The following DSCAM variants were observed in gnomAD, a reference collection of about 807,000 sequenced individuals.
DSCAM encodes cell adhesion molecule DSCAM.
A neutral mutation model predicts 217.7 loss-of-function variants in DSCAM; 47 were observed. The ratio of observed to expected loss-of-function variants is 0.22; its 90% CI spans 0.17 to 0.28. The LOEUF is 0.28. Among genes scored for constraint, DSCAM ranks in the 10% least tolerant of loss-of-function variants. The pLI, the probability that DSCAM is intolerant of heterozygous loss-of-function variation, is 1.00. For missense variants in DSCAM, 2,080 were observed against 2,618.3 expected (o/e 0.79, Z 4.49); for synonymous variants, 1,056 against 1,015.3 (o/e 1.04, Z -0.76).
intron 3 of DSCAM, among the ~76,000 whole-genome samples, chr21:40,555,193 C>T (rs958746798): frequency 3.3e-5 from 5 of 152,178 alleles, no homozygotes; most frequent in Non-Finnish European, 7.3e-5. Flanking sequence ...GTCTCACATC[C>T]ATTACATGAG....
At position 40,087,278 on chromosome 21, in the gene DSCAM, C is replaced by T. The variant is rs199782561; in HGVS notation, c.3860G>A (p.Arg1287Gln). The T allele has an allele frequency of 1.9e-4, 300 of 1,613,764 alleles. No homozygotes were observed. Among genetic ancestry groups the T allele is most frequent in the Middle Eastern group, 1.2e-3 (7 of 6,060 alleles). ...TVEPLAKAPA[R>Q]ILTFSGTVTT... The stretch of plus-strand genomic sequence containing the variant: ...CACTGTCCCACTGAAGGTCAGGATT[C>T]GTGCAGGAGCTGAGGAACCAAACAA... The change falls in exon 22 of 33, where the codon CGA (arginine) becomes CAA (glutamine). Residue 1287 changes from arginine (R) to glutamine (Q), a missense_variant. This residue lies in a region of DSCAM where 1,144 missense variants were observed against 1,421.1 expected (regional missense o/e 0.81). Transcript: ENST00000400454.
At chr21:40,039,557 GATAT>G (rs573901070) in intron 32 of DSCAM, among the ~76,000 whole-genome samples, 2 of 152,024 alleles carry the variant, frequency 1.3e-5, no homozygotes, top group African/African-American at 2.4e-5. Flanking sequence ...ACACACAGGA[GATAT>G]ATATATTTAT....
At chr21:40,131,547 TC>T (rs1157185436) in intron 19 of DSCAM, among the ~76,000 whole-genome samples, 1 of 152,184 alleles carries the variant, frequency 6.6e-6, no homozygotes, top group African/African-American at 2.4e-5. Context: ...TGCCTCAGCC[TC>T]CCGAGTAGCT....
chr21:40,280,247 T>C (rs1385471010), intron 10 of DSCAM, among the ~76,000 whole-genome samples: 1 of 137,746 alleles, frequency 7.3e-6, no homozygotes, highest in Admixed American at 7.7e-5. Flanking sequence ...AGTGACACCA[T>C]CATAGCTCGC....
chr21:40,244,918 G>A (rs1296654133), intron 11 of DSCAM, among the ~76,000 whole-genome samples: 1 of 151,882 alleles, frequency 6.6e-6, no homozygotes, highest in Non-Finnish European at 1.5e-5. Flanking sequence ...ATGAGACAGT[G>A]CTCATTTCCG....
intron 3 of DSCAM, among the ~76,000 whole-genome samples, chr21:40,589,859 TTA>T (rs1476077291): frequency 1.3e-5 from 2 of 152,228 alleles, no homozygotes; most frequent in African/African-American, 4.8e-5. Context: ...CTCTGGTAGC[TTA>T]TGTCTGGATA....
intron 3 of DSCAM, among the ~76,000 whole-genome samples, chr21:40,596,763 T>A (rs1334030008): frequency 6.6e-6 from 1 of 152,162 alleles, no homozygotes; most frequent in Non-Finnish European, 1.5e-5. Context: ...AAACATAGAA[T>A]GATTTTTATG....
intron 3 of DSCAM, among the ~76,000 whole-genome samples, chr21:40,615,113 G>C (rs1405044131): frequency 6.6e-6 from 1 of 151,512 alleles, no homozygotes; most frequent in Non-Finnish European, 1.5e-5. Flanking sequence ...AGACCAGCCT[G>C]ACCAACATGG....
intron 3 of DSCAM, among the ~76,000 whole-genome samples, chr21:40,543,010 C>T (rs2076553960): frequency 1.3e-5 from 2 of 152,094 alleles, no homozygotes; most frequent in Admixed American, 6.5e-5. Context: ...ACAATATATG[C>T]TCCTTGAGAT....
At chr21:40,808,273 CCCA>C (rs2091805687) in intron 1 of DSCAM, among the ~76,000 whole-genome samples, 1 of 152,008 alleles carries the variant, frequency 6.6e-6, no homozygotes, top group Non-Finnish European at 1.5e-5. Flanking sequence ...GACCAAGAGG[CCCA>C]AAAATGCCCA....
chr21:40,739,781 G>GTTT (rs5844037), intron 1 of DSCAM, among the ~76,000 whole-genome samples: 7 of 144,252 alleles, frequency 4.9e-5, no homozygotes, highest in African/African-American at 1.8e-4. Flanking sequence ...TAGAGAATTA[G>GTTT]TTTTTTTTTT....
chr21:40,408,360 A>G (rs1026980543), intron 3 of DSCAM, among the ~76,000 whole-genome samples: 1 of 152,238 alleles, frequency 6.6e-6, no homozygotes, highest in East Asian at 1.9e-4. Context: ...TATCATTAGA[A>G]TGGGAAACCA....
Position 40,483,689 on chromosome 21 carries a change from T to C in DSCAM, c.509-114444A>G, listed in dbSNP as rs142854009. Reference sequence around the variant, plus strand: ...TTCCTTTAACAACTATGAATACCCATTAATAAACCTAGATTACTATTTGTC... The same window carrying C: ...TTCCTTTAACAACTATGAATACCCACTAATAAACCTAGATTACTATTTGTC... On this transcript the variant is annotated intron_variant, in intron 3 of 32. Transcript: ENST00000400454. Among the ~76,000 whole-genome samples the C allele has an allele frequency of 7.9e-3, 1,203 of 152,302 alleles. 21 individuals are homozygous for C. Among genetic ancestry groups the C allele is most frequent in the African/African-American group, 0.027 (1,114 of 41,558 alleles).
intron 1 of DSCAM, among the ~76,000 whole-genome samples, chr21:40,719,101 G>C (rs554896422): frequency 3.9e-5 from 6 of 151,958 alleles, no homozygotes; most frequent in Non-Finnish European, 8.8e-5. Flanking sequence ...GAGCGACACA[G>C]TGAGACCTTG....
chr21:40,421,677 TA>T (rs2075425689), intron 3 of DSCAM, among the ~76,000 whole-genome samples: 1 of 152,210 alleles, frequency 6.6e-6, no homozygotes, highest in Admixed American at 6.5e-5. Flanking sequence ...TCAGGAGAGA[TA>T]AACAACAGTA....
At chr21:40,694,294 C>T (rs2090573036) in intron 2 of DSCAM, among the ~76,000 whole-genome samples, 1 of 152,144 alleles carries the variant, frequency 6.6e-6, no homozygotes, top group South Asian at 2.1e-4. Context: ...ACAGAGATAA[C>T]TTATTGTCTA....
intron 11 of DSCAM, among the ~76,000 whole-genome samples, chr21:40,270,522 T>C (rs2073601333): frequency 6.6e-6 from 1 of 152,212 alleles, no homozygotes. Flanking sequence ...CATATTCTAT[T>C]TCAGGCACTA....
intron 11 of DSCAM, among the ~76,000 whole-genome samples, chr21:40,193,225 T>C (rs992849380): frequency 2.0e-5 from 3 of 152,120 alleles, no homozygotes; most frequent in African/African-American, 7.2e-5. Flanking sequence ...AGCTGGCATG[T>C]TCCTCGACAG....
chr21:40,061,567 C>CT (rs771603579), intron 28 of DSCAM, among the ~76,000 whole-genome samples: 18,760 of 120,158 alleles, frequency 0.16, 1,743 homozygotes, highest in East Asian at 0.36. Context: ...AAAACTCTGT[C>CT]CCAAAAAAAA....
Sources: allele counts gnomAD v4.1 joint callset (sites outside exome capture counted in the v4.1 genomes callset), GRCh38; gene constraint gnomAD v4.1.1; regional missense constraint gnomAD v4.1.1; transcripts MANE v1.5; gene names NCBI Gene and HGNC (gene_info 2026-07-23, HGNC 2026-07-21).